The following MDGA2 variants were observed in gnomAD, a reference collection of about 807,000 sequenced individuals.
MDGA2 encodes MAM domain-containing glycosylphosphatidylinositol anchor protein 2.
Under a neutral mutation model 117.8 loss-of-function variants are expected in MDGA2, and 40 were observed. The observed-to-expected ratio is 0.34, with a 90% confidence interval of 0.26 to 0.44. MDGA2 has a LOEUF of 0.44. Among genes scored for constraint, MDGA2 ranks in the 20% least tolerant of loss-of-function variants. The probability of loss-of-function intolerance (pLI) is 1.00; values close to 1 mark genes in which losing one functional copy is unlikely to be tolerated. For missense variants in MDGA2, 1,123 were observed against 1,250.6 expected (o/e 0.90, Z 1.54); for synonymous variants, 452 against 439.0 (o/e 1.03, Z -0.37).
At chr14:47,122,733 T>C (rs2139111190) in intron 5 of MDGA2, among the ~76,000 whole-genome samples, 1 of 152,204 alleles carries the variant, frequency 6.6e-6, no homozygotes, top group South Asian at 2.1e-4. Flanking sequence ...AATTATTGCC[T>C]ATGATAATGC....
chr14:47,116,647 GA>G (rs1253516589), intron 5 of MDGA2, among the ~76,000 whole-genome samples: 7 of 151,840 alleles, frequency 4.6e-5, no homozygotes, highest in Non-Finnish European at 8.8e-5. Flanking sequence ...AACACAATGG[GA>G]AAAAGATAGT....
chr14:46,854,924 G>T, intron 15 of MDGA2, 100 bp downstream of exon 15: 1 of 1,102,062 alleles, frequency 9.1e-7, no homozygotes, highest in Admixed American at 2.9e-5. Context: ...TGCTTATATC[G>T]TGGAATTTCT....
chr14:47,237,336 C>A (rs571612967), intron 2 of MDGA2, among the ~76,000 whole-genome samples: 1 of 152,186 alleles, frequency 6.6e-6, no homozygotes. Context: ...CCGCATTTTA[C>A]GCCCGGGTCT....
chr14:47,163,620 C>T (rs1013077184), intron 3 of MDGA2, among the ~76,000 whole-genome samples: 1 of 152,184 alleles, frequency 6.6e-6, no homozygotes, highest in South Asian at 2.1e-4. Flanking sequence ...CAATAAACCT[C>T]CGTCTTTTGT....
At chr14:47,000,381 A>ATG (rs36066041) in intron 8 of MDGA2, among the ~76,000 whole-genome samples, 3 of 79,612 alleles carry the variant, frequency 3.8e-5, no homozygotes, top group African/African-American at 4.8e-5. Context: ...ATATATTTAT[A>ATG]TATATATATT....
At chr14:47,096,454 T>A (rs11157541) in intron 6 of MDGA2, among the ~76,000 whole-genome samples, 1 of 151,806 alleles carries the variant, frequency 6.6e-6, no homozygotes, top group Non-Finnish European at 1.5e-5. Flanking sequence ...GCCATGATTG[T>A]AATAGGGGCT....
At chr14:47,410,792 A>G (rs991657140) in intron 1 of MDGA2, among the ~76,000 whole-genome samples, 1 of 152,200 alleles carries the variant, frequency 6.6e-6, no homozygotes, top group African/African-American at 2.4e-5. Context: ...TTTTATGCTC[A>G]ACAAAATTGG....
At chr14:47,056,954 T>G (rs1047997084) in intron 7 of MDGA2, among the ~76,000 whole-genome samples, 1 of 152,124 alleles carries the variant, frequency 6.6e-6, no homozygotes, top group Non-Finnish European at 1.5e-5. Context: ...ATAGTATATT[T>G]AATTTTTTAA....
intron 7 of MDGA2, among the ~76,000 whole-genome samples, chr14:47,043,916 A>C (rs528616835): frequency 6.6e-6 from 1 of 152,134 alleles, no homozygotes; most frequent in South Asian, 2.1e-4. Context: ...TGCATCTTTT[A>C]TTCATCTTCC....
chr14:47,149,967 T>C (rs1293409097), intron 3 of MDGA2, among the ~76,000 whole-genome samples: 1 of 152,316 alleles, frequency 6.6e-6, no homozygotes, highest in East Asian at 1.9e-4. Context: ...CTTTTTCCTG[T>C]CTTAGAAGCC....
intron 7 of MDGA2, among the ~76,000 whole-genome samples, chr14:47,039,120 T>G (rs1888970168): frequency 6.6e-6 from 1 of 152,332 alleles, no homozygotes; most frequent in Non-Finnish European, 1.5e-5. Flanking sequence ...TTAATTGTTC[T>G]TATAATTTTT....
chr14:47,155,676 C>A (rs965230020), intron 3 of MDGA2, among the ~76,000 whole-genome samples: 69 of 151,888 alleles, frequency 4.5e-4, no homozygotes, highest in African/African-American at 1.6e-3. Flanking sequence ...GGCTGGCTCA[C>A]CCTTGACAGG....
At chr14:47,590,148 ACTT>A (rs1219455510) in intron 1 of MDGA2, among the ~76,000 whole-genome samples, 1 of 151,808 alleles carries the variant, frequency 6.6e-6, no homozygotes, top group East Asian at 1.9e-4. Context: ...AGATAGCTTT[ACTT>A]CTTCCTTTCC....
chr14:47,480,947 A>G (rs1354047013), intron 1 of MDGA2, among the ~76,000 whole-genome samples: 1 of 151,976 alleles, frequency 6.6e-6, no homozygotes, highest in African/African-American at 2.4e-5. Flanking sequence ...TGCTATTATA[A>G]TGGTAATCTT....
At chr14:47,156,011 C>T (rs1349363140) in intron 3 of MDGA2, among the ~76,000 whole-genome samples, 3 of 145,890 alleles carry the variant, frequency 2.1e-5, no homozygotes, top group African/African-American at 5.0e-5. Flanking sequence ...CCAGGTTAAG[C>T]GATTCTCATG....
At position 46,862,425 on chromosome 14, in the gene MDGA2, A is replaced by G. The variant is rs181425825; in HGVS notation, c.2753-7271T>C. ...AATATTATTTAATATATATTATAAT[A>G]TAAACTATAATTTGCATAAATAATA... On this transcript the variant is annotated intron_variant, in intron 14 of 16. Coordinates refer to ENST00000399232, the MANE Select transcript of MDGA2 (RefSeq NM_001113498.3). Among the ~76,000 whole-genome samples the G allele has an allele frequency of 3.6e-4, 53 of 148,868 alleles. 1 individual carries two copies. Among genetic ancestry groups the G allele is most frequent in the African/African-American group, 1.3e-3 (52 of 41,008 alleles).
intron 8 of MDGA2, among the ~76,000 whole-genome samples, chr14:47,019,298 G>A (rs568360476): frequency 2.6e-5 from 4 of 152,200 alleles, no homozygotes; most frequent in South Asian, 2.1e-4. Context: ...AAAGGAATAC[G>A]TAAGTACACA....
At chr14:47,027,180 A>C (rs923427349) in intron 8 of MDGA2, among the ~76,000 whole-genome samples, 10 of 152,136 alleles carry the variant, frequency 6.6e-5, no homozygotes, top group East Asian at 1.9e-4. Flanking sequence ...GAAAAAAAAA[A>C]CCTATAAAAT....
At chr14:47,204,469 G>C (rs1885613419) in intron 3 of MDGA2, among the ~76,000 whole-genome samples, 1 of 151,974 alleles carries the variant, frequency 6.6e-6, no homozygotes, top group South Asian at 2.1e-4. Context: ...TACTGAAAAA[G>C]TATATAATAA....
Sources: allele counts gnomAD v4.1 joint callset (sites outside exome capture counted in the v4.1 genomes callset), GRCh38; gene constraint gnomAD v4.1.1; transcripts MANE v1.5; gene names NCBI Gene and HGNC (gene_info 2026-07-23, HGNC 2026-07-21).